Variants in TRIM37 observed in about 807,000 individuals in gnomAD.
TRIM37 encodes E3 ubiquitin-protein ligase TRIM37.
TRIM37 carries 80 observed loss-of-function variants against 129.8 expected under a neutral mutation model. That is an observed-to-expected ratio of 0.62 (90% CI 0.51 to 0.74). The LOEUF (loss-of-function observed/expected upper bound fraction) is 0.74. TRIM37 is among the 30% of genes least tolerant of loss of function. TRIM37 has a pLI of 0.00. For missense variants in TRIM37, 1,054 were observed against 1,176.5 expected (o/e 0.90, Z 1.52); for synonymous variants, 389 against 387.1 (o/e 1.00, Z -0.06).
At chr17:59,033,997 C>G (rs376649704) in intron 17 of TRIM37, among the ~76,000 whole-genome samples, 1 of 151,644 alleles carries the variant, frequency 6.6e-6, no homozygotes, top group East Asian at 2.0e-4. Context: ...ATCCCAGCTA[C>G]TCGGGAGGCT....
At position 59,016,164 on chromosome 17, in the gene TRIM37, C is replaced by T. The variant is rs150268343; in HGVS notation, c.2387-365G>A. ...ATCCTGGCACTCTGGGAGGCTAAGGCGGATGGATCACCTGAGGTCAGGAGT... is the reference window on the plus strand; with the variant it reads ...ATCCTGGCACTCTGGGAGGCTAAGGTGGATGGATCACCTGAGGTCAGGAGT... On this transcript the variant is annotated intron_variant, in intron 20 of 23. Transcript: ENST00000262294. 3.2e-3 allele frequency among the ~76,000 whole-genome samples: 481 copies of T among 151,908 alleles called. 3 individuals are homozygous for T. Among genetic ancestry groups the T allele is most frequent in the Non-Finnish European group, 5.6e-3 (378 of 67,966 alleles).
rs942645324 is a variant in TRIM37 at position 58,985,870 on chromosome 17, G to GA, written c.2892-2950dup. Among the ~76,000 whole-genome samples the GA allele has an allele frequency of 5.9e-5, 9 of 151,544 alleles. No individual in the cohort carries two copies. The East Asian group carries it at 1.2e-3, about 20-fold the overall frequency. On this transcript the variant is annotated intron_variant, in intron 24 of 24. Coordinates refer to the TRIM37 transcript ENST00000393066. ...TATATAGAACCAAATGAACAATTGA[G>GA]AAAAAAAAGGTGAAGTTTTGAAAGA...
At chr17:58,996,575 C>A (rs893058770), downstream of TRIM37, among the ~76,000 whole-genome samples, 3 of 151,420 alleles carry the variant, frequency 2.0e-5, no homozygotes, top group Non-Finnish European at 4.4e-5. Flanking sequence ...TCACTTTGAG[C>A]TCAGGAGTTG....
In TRIM37 at chr17:59,088,359, T is replaced by A; in HGVS notation, c.213A>T (p.Glu71Asp). 1 of 1,613,978 alleles carries A rather than the reference T, an allele frequency of 6.2e-7. No homozygotes were observed. The highest frequency in any genetic ancestry group is 8.5e-7 in the Non-Finnish European group (1 of 1,179,896). ...GAAGAGTATCAAGCTGTTGTGTTAC[T>A]TCTTCTGCCCAACGACAATTTACTA... Reference protein sequence around the residue: ...RELVNCRWAEEVTQQLDTLQL... With the variant: ...RELVNCRWAEDVTQQLDTLQL... The change falls in exon 4 of 24, where the codon GAA (glutamate) becomes GAT (aspartate). Residue 71 changes from glutamate to aspartate, a missense_variant. Glu to Asp is a conservative substitution (Grantham distance 45, BLOSUM62 2). Transcript: ENST00000262294.
At position 59,056,928 on chromosome 17, in the gene TRIM37, G is replaced by C. The variant is rs1460429440; in HGVS notation, c.1146C>G (p.Asp382Glu). Residue 382 changes from aspartate to glutamate, a missense_variant, in exon 13 of 24, where the codon GAC becomes GAG. By Grantham distance (45) the Asp-to-Glu change is conservative. This residue lies in a region of TRIM37 where 752 missense variants were observed against 870.8 expected (regional missense o/e 0.86). Transcript: ENST00000262294. ...TCAAGTATCCTTCATTTGCGAGTAA[G>C]TCCAAACGGAAAAATCTATTATAGC... ...CWGYNRFFRLDLLANEGYLNP... is the reference protein window; with the variant it reads ...CWGYNRFFRLELLANEGYLNP... The C allele has an allele frequency of 2.5e-6, 4 of 1,613,700 alleles. No homozygotes were observed. Among genetic ancestry groups the C allele is most frequent in the East Asian group, 2.2e-5 (1 of 44,812 alleles).
chr17:59,007,205 A>ACACACACT (rs1886694203), intron 22 of TRIM37, among the ~76,000 whole-genome samples: 1 of 59,652 alleles, frequency 1.7e-5, no homozygotes. Flanking sequence ...ACACACACAC[A>ACACACACT]CTAAAACCAC....
chr17:59,042,445 A>ATATATATATAT (rs1220676334), intron 16 of TRIM37, among the ~76,000 whole-genome samples: 22 of 40,240 alleles, frequency 5.5e-4, no homozygotes, highest in East Asian at 3.1e-3. Context: ...AAAAAAAAAA[A>ATATATATATAT]AAAAATATAT....
downstream of TRIM37, among the ~76,000 whole-genome samples, chr17:58,996,598 G>C (rs559028943): frequency 2.0e-4 from 31 of 151,678 alleles, 3 homozygotes; most frequent in South Asian, 6.5e-3. Flanking sequence ...GGCCAGCCTG[G>C]AGTGAAACCC....
At chr17:59,100,436 C>G (rs1568261047) in intron 2 of TRIM37, among the ~76,000 whole-genome samples, 1 of 152,124 alleles carries the variant, frequency 6.6e-6, no homozygotes, top group Non-Finnish European at 1.5e-5. Flanking sequence ...ACTACTGATA[C>G]ATACAGTATT....
chr17:59,002,242 T>C (rs987925117), intron 22 of TRIM37, among the ~76,000 whole-genome samples: 1 of 152,222 alleles, frequency 6.6e-6, no homozygotes, highest in South Asian at 2.1e-4. Context: ...TATTTATTTT[T>C]ATTTTTTGAG....
intron 22 of TRIM37, among the ~76,000 whole-genome samples, chr17:59,004,540 C>A (rs1432487586): frequency 6.6e-6 from 1 of 151,988 alleles, no homozygotes; most frequent in Non-Finnish European, 1.5e-5. Flanking sequence ...GTTAAAAAAG[C>A]CTCTAGGTAG....
chr17:59,068,938 T>G (rs2042140504), intron 9 of TRIM37, among the ~76,000 whole-genome samples: 1 of 152,152 alleles, frequency 6.6e-6, no homozygotes, highest in Admixed American at 6.5e-5. Context: ...ACTGGGATAC[T>G]GCTAAACATC....
At chr17:59,009,499 G>GC (rs2034989548) in intron 22 of TRIM37, among the ~76,000 whole-genome samples, 1 of 147,394 alleles carries the variant, frequency 6.8e-6, no homozygotes, top group Non-Finnish European at 1.5e-5. Flanking sequence ...AGGCTGGAGC[G>GC]CAATGGTGCG....
chr17:59,029,705 AC>A (rs1017643335), intron 18 of TRIM37, among the ~76,000 whole-genome samples: 1 of 152,118 alleles, frequency 6.6e-6, no homozygotes, highest in Non-Finnish European at 1.5e-5. Context: ...TTTGAGACAA[AC>A]CTGGCCAACA....
At chr17:58,982,157 T>C (rs2031392333), downstream of TRIM37, 1 of 152,656 alleles carries the variant, frequency 6.6e-6, no homozygotes, top group African/African-American at 2.4e-5. Context: ...TTAGTTGTAA[T>C]TGGAAGACAC....
chr17:59,097,807 C>CT (rs2147487516), intron 2 of TRIM37, among the ~76,000 whole-genome samples: 1 of 152,174 alleles, frequency 6.6e-6, no homozygotes, highest in East Asian at 1.9e-4. Context: ...TAAAGAAGTC[C>CT]TAAATAAATG....
chr17:59,097,109 C>A (rs1189003142), intron 2 of TRIM37, among the ~76,000 whole-genome samples: 2 of 152,116 alleles, frequency 1.3e-5, no homozygotes, highest in Non-Finnish European at 2.9e-5. Context: ...TAGAAGGGAA[C>A]TTCCTCAACT....
downstream of TRIM37, among the ~76,000 whole-genome samples, chr17:58,996,009 A>T (rs967695761): frequency 5.3e-5 from 8 of 152,094 alleles, no homozygotes; most frequent in Admixed American, 1.3e-4. Flanking sequence ...TTCCAAAAAA[A>T]AATAATAATA....
chr17:59,042,455 T>A (rs200398324), intron 16 of TRIM37, among the ~76,000 whole-genome samples: 17 of 67,038 alleles, frequency 2.5e-4, no homozygotes, highest in African/African-American at 6.0e-4. Context: ...AAAAAATATA[T>A]ATATATATAT....
Sources: allele counts gnomAD v4.1 joint callset (sites outside exome capture counted in the v4.1 genomes callset), GRCh38; gene constraint gnomAD v4.1.1; regional missense constraint gnomAD v4.1.1; transcripts MANE v1.5; gene names NCBI Gene and HGNC (gene_info 2026-07-23, HGNC 2026-07-21).